Variants in ZSCAN31 observed in about 807,000 individuals in gnomAD.
ZSCAN31 encodes zinc finger and SCAN domain containing 31, also known as zinc finger and SCAN domain-containing protein 31.
Under a neutral mutation model 22.5 loss-of-function variants are expected in ZSCAN31, and 14 were observed. The ratio of observed to expected loss-of-function variants is 0.62; its 90% CI spans 0.41 to 0.97. The LOEUF (loss-of-function observed/expected upper bound fraction) is 0.97, where lower values mean the gene tolerates loss of function less well. ZSCAN31 is among the 50% of genes least tolerant of loss of function. The probability of loss-of-function intolerance (pLI) is 0.00; values close to 1 mark genes in which losing one functional copy is unlikely to be tolerated. For missense variants in ZSCAN31, 424 were observed against 483.4 expected (o/e 0.88, Z 1.15); for synonymous variants, 168 against 169.8 (o/e 0.99, Z 0.08).
rs1440094802 is a variant in ZSCAN31, at chr6:28,325,331, T to C, written c.*835A>G. On this transcript the variant is annotated 3_prime_UTR_variant, in exon 4 of 4. Coordinates refer to ENST00000344279, the MANE Select transcript of ZSCAN31 (RefSeq NM_030899.5). ...GGTACCTTGTGAAGAACAGAGATTTTAAAGTATCATCTTACTTATTATTTG... is the reference window on the plus strand; with the variant it reads ...GGTACCTTGTGAAGAACAGAGATTTCAAAGTATCATCTTACTTATTATTTG... 6.6e-6 allele frequency: 1 copy of C among 152,228 alleles called. No individual in the cohort carries two copies. Among genetic ancestry groups the C allele is most frequent in the Non-Finnish European group, 1.5e-5 (1 of 68,040 alleles). 9.4% of individuals were successfully genotyped at this position (152,228 alleles called of 1,614,324 possible). A position where few individuals can be genotyped will look rare whatever the true frequency, so the allele number is the denominator to read the frequency against.
rs1456527653 is a variant in ZSCAN31, at chr6:28,329,219, T to C, written c.381+84A>G. 3.4e-6 allele frequency: 5 copies of C among 1,473,132 alleles called. No individual in the cohort carries two copies. The East Asian group carries it at 6.8e-5, about 20-fold the overall frequency. The allele number at this position is 1,473,132 out of a possible 1,614,324, so 91.3% of individuals were successfully genotyped here. The stretch of plus-strand genomic sequence containing the variant: ...TTACACAACAGAGAACTAATACATA[T>C]AGCTATAGCCAACCAACCTGTGTCA... On this transcript the variant is annotated intron_variant, in intron 2 of 3. Coordinates refer to ENST00000344279, the MANE Select transcript of ZSCAN31 (RefSeq NM_030899.5).
rs1764971630 is a variant in ZSCAN31 at position 28,351,008 on chromosome 6, C to T, written c.-371+2854G>A. Among the ~76,000 whole-genome samples, 1 of 152,198 alleles carries T rather than the reference C, an allele frequency of 6.6e-6. No homozygotes were observed. The highest frequency in any genetic ancestry group is 6.5e-5 in the Admixed American group (1 of 15,276). On this transcript the variant is annotated intron_variant, in intron 2 of 7. Coordinates refer to the ZSCAN31 transcript ENST00000396838. This position sits in a 1 kb window ranked among gnomAD's most constrained non-coding sequence, Gnocchi z 4.6. ...TGCTGGAGATCCACCAGTTTTCGAG[C>T]TTCCAGGAACGCCCTAGCCTGAAAC...
At chr6:28,343,258 A>C (rs548170511) in intron 2 of ZSCAN31, among the ~76,000 whole-genome samples, 1 of 152,326 alleles carries the variant, frequency 6.6e-6, no homozygotes. Flanking sequence ...GAAAAAGCCA[A>C]GTGGTAGTTT....
chr6:28,329,873 T>C (rs991478453), intron 1 of ZSCAN31, 95 bp from the exon 2 acceptor site: 2 of 636,064 alleles, frequency 3.1e-6, no homozygotes, highest in Admixed American at 3.2e-5. Flanking sequence ...CTATCATTTA[T>C]GTTAATAAAA....
At chr6:28,354,829 G>A (rs996007169), upstream of ZSCAN31, among the ~76,000 whole-genome samples, 3 of 152,220 alleles carry the variant, frequency 2.0e-5, no homozygotes, top group Non-Finnish European at 2.9e-5. Context: ...GGCCCTACAT[G>A]GGTCGGTGAC....
rs1290127238 is a variant in ZSCAN31 at position 28,326,485 on chromosome 6, C to T, written c.902G>A (p.Gly301Glu). 1 of 1,614,156 alleles carries T rather than the reference C, an allele frequency of 6.2e-7. No individual in the cohort carries two copies. Among genetic ancestry groups the T allele is most frequent in the South Asian group, 1.1e-5 (1 of 91,080 alleles). Residue 301 changes from glycine (G) to glutamate (E), a missense_variant, in exon 4 of 4, where the codon GGG (glycine) becomes GAG (glutamate). Physicochemically the swap from Gly to Glu is moderately conservative, Grantham distance 98. Transcript: ENST00000344279. ...GCCATTGCTGGCACTGAAGGCTTTC[C>T]CACACTCCTTACATTGATAGGGTTT... ...GEKPYQCKEC[G>E]KAFSASNGLT...
intron 2 of ZSCAN31, among the ~76,000 whole-genome samples, chr6:28,346,342 C>CTTTTTTT (rs5875155): frequency 0.021 from 1,808 of 87,660 alleles, 119 homozygotes; most frequent in African/African-American, 0.042. Context: ...TCAGTACAAT[C>CTTTTTTT]TTTTTTTTTT....
chr6:28,327,955 T>C (rs1763425517), intron 2 of ZSCAN31, among the ~76,000 whole-genome samples: 1 of 152,148 alleles, frequency 6.6e-6, no homozygotes, highest in African/African-American at 2.4e-5. Context: ...AAGAGAGAAA[T>C]TTTAAAGCTG....
intron 2 of ZSCAN31, among the ~76,000 whole-genome samples, chr6:28,342,518 G>T (rs938290831): frequency 1.3e-5 from 2 of 152,194 alleles, no homozygotes; most frequent in East Asian, 3.8e-4. Context: ...CAAAGTTGCA[G>T]TAGGACCTAG....
intron 1 of ZSCAN31, among the ~76,000 whole-genome samples, chr6:28,334,192 A>G (rs1428948839): frequency 6.6e-6 from 1 of 152,232 alleles, no homozygotes; most frequent in African/African-American, 2.4e-5. Flanking sequence ...AATACAATAA[A>G]ATAAAAGCCA....
Position 28,327,491 on chromosome 6 carries a change from C to T in ZSCAN31, c.424G>A (p.Asp142Asn). 1 of 1,613,918 alleles carries T rather than the reference C, an allele frequency of 6.2e-7. No individual in the cohort carries two copies. Among genetic ancestry groups the T allele is most frequent in the Non-Finnish European group, 8.5e-7 (1 of 1,180,022 alleles). The change falls in exon 3 of 4, where the codon GAT becomes AAT. Residue 142 changes from aspartate to asparagine, a missense_variant. By Grantham distance (23) the Asp-to-Asn change is conservative. Transcript: ENST00000344279. ...EHGHSEVLLE[D>N]VEHLKVKQEP... ...TGCTTGACCTTCAGATGTTCCACAT[C>T]CTCCAAGAGCACTTCAGAATGTCCA...
In ZSCAN31 at chr6:28,325,523, T is replaced by C. The variant is rs1469311871; in HGVS notation, c.*643A>G. 2.0e-5 allele frequency: 3 copies of C among 151,610 alleles called. No individual in the cohort carries two copies. Among genetic ancestry groups the C allele is most frequent in the Non-Finnish European group, 4.4e-5 (3 of 68,016 alleles). The allele number at this position is 151,610 out of a possible 1,614,324, so 9.4% of individuals were successfully genotyped here. ...ATTCGTATCAAAAACATGAGTTAGA[T>C]ATGAAATGAGACATAGATTTCTAAA... On this transcript the variant is annotated 3_prime_UTR_variant, in exon 4 of 4. Coordinates refer to ENST00000344279, the MANE Select transcript of ZSCAN31 (RefSeq NM_030899.5).
intron 1 of ZSCAN31, among the ~76,000 whole-genome samples, chr6:28,330,007 C>T (rs1763619883): frequency 6.6e-6 from 1 of 152,158 alleles, no homozygotes; most frequent in Admixed American, 6.5e-5. Context: ...CAGTGCCCTT[C>T]CATTGTGACA....
intron 2 of ZSCAN31, among the ~76,000 whole-genome samples, chr6:28,345,179 A>C (rs960772362): frequency 1.3e-5 from 2 of 151,576 alleles, no homozygotes; most frequent in Admixed American, 1.3e-4. Flanking sequence ...AAAAGAAAAG[A>C]AAAGAAAAAT....
At chr6:28,340,538 A>G (rs1268159756), upstream of ZSCAN31, among the ~76,000 whole-genome samples, 4 of 152,144 alleles carry the variant, frequency 2.6e-5, no homozygotes, top group Non-Finnish European at 5.9e-5. Flanking sequence ...TTCTGCCATG[A>G]TTGTAAGTTT....
At chr6:28,332,144 CCT>C (rs1487803940) in intron 1 of ZSCAN31, 1 of 152,168 alleles carries the variant, frequency 6.6e-6, no homozygotes, top group Non-Finnish European at 1.5e-5. Flanking sequence ...CCAAACCACC[CCT>C]GTTCCCAGGA....
At chr6:28,334,242 G>A (rs1362815597) in intron 1 of ZSCAN31, among the ~76,000 whole-genome samples, 1 of 152,200 alleles carries the variant, frequency 6.6e-6, no homozygotes, top group Non-Finnish European at 1.5e-5. Context: ...CCTGGAGGAA[G>A]TGGAAGAGCT....
chr6:28,326,355 T>C lies in ZSCAN31; in HGVS notation c.1032A>G (p.Ile344Met). The change falls in exon 4 of 4, where the codon ATA (isoleucine) becomes ATG (methionine). Residue 344 changes from isoleucine to methionine, a missense_variant. Ile to Met is a conservative substitution (Grantham distance 10, BLOSUM62 1). Transcript: ENST00000344279. ...LSSCLVQHQR[I>M]HTGEKRYQCR... ...ACTGATAGCGCTTCTCTCCAGTGTG[T>C]ATCCTCTGATGCTGAACAAGGCATG... 6.2e-7 allele frequency: 1 copy of C among 1,614,218 alleles called. No individual in the cohort carries two copies. The highest frequency in any genetic ancestry group is 8.5e-7 in the Non-Finnish European group (1 of 1,180,034).
At chr6:28,348,979 T>C (rs1354175632) in intron 2 of ZSCAN31, among the ~76,000 whole-genome samples, 3 of 144,852 alleles carry the variant, frequency 2.1e-5, no homozygotes, top group Non-Finnish European at 3.0e-5. Flanking sequence ...ACATGTCTCA[T>C]ATACATAGGT....
Sources: allele counts gnomAD v4.1 joint callset (sites outside exome capture counted in the v4.1 genomes callset), GRCh38; gene constraint gnomAD v4.1.1; non-coding constraint Gnocchi (gnomAD v3.1); transcripts MANE v1.5; gene names NCBI Gene and HGNC (gene_info 2026-07-23, HGNC 2026-07-21).